Variants in ANKRD11 observed in about 807,000 individuals in gnomAD.
ANKRD11 encodes the protein ankyrin repeat domain-containing protein 11.
A neutral mutation model predicts 195.7 loss-of-function variants in ANKRD11; 17 were observed. That is an observed-to-expected ratio of 0.09 (90% CI 0.06 to 0.13). ANKRD11 has a LOEUF of 0.13. Ranked by LOEUF, ANKRD11 falls within the 10% of genes least tolerant of loss-of-function variation. The probability of loss-of-function intolerance (pLI) is 1.00; values close to 1 mark genes in which losing one functional copy is unlikely to be tolerated. For synonymous variants in ANKRD11, 1,953 were observed against 1,528.1 expected, an observed-to-expected ratio of 1.28 and a Z score of -6.49; for missense variants, 3,735 against 3,566.1, an observed-to-expected ratio of 1.05 and a Z score of -1.21.
At chr16:89,409,115 G>A (rs1283057718) in intron 2 of ANKRD11, among the ~76,000 whole-genome samples, 2 of 152,178 alleles carry the variant, frequency 1.3e-5, no homozygotes, top group Admixed American at 1.3e-4. Context: ...GTGAGCCCTG[G>A]GGCCAGGTAT....
intron 2 of ANKRD11, among the ~76,000 whole-genome samples, chr16:89,368,371 GTTTTTTTTTTTTTTTTTTTTT>G (rs71134210): frequency 1.8e-5 from 1 of 56,612 alleles, no homozygotes; most frequent in Non-Finnish European, 3.7e-5. Flanking sequence ...TAATTTTTGT[GTTTTTTTTTTTTTTTTTTTTT>G]TTTTTTTTTT....
intron 2 of ANKRD11, among the ~76,000 whole-genome samples, chr16:89,375,105 C>T (rs1436905329): frequency 6.6e-6 from 1 of 152,000 alleles, no homozygotes; most frequent in Non-Finnish European, 1.5e-5. Flanking sequence ...GTCGCAGGCT[C>T]AAGCAGAAGT....
At chr16:89,401,879 G>A (rs1013143895) in intron 2 of ANKRD11, among the ~76,000 whole-genome samples, 36 of 150,650 alleles carry the variant, frequency 2.4e-4, no homozygotes, top group Non-Finnish European at 4.7e-4. Flanking sequence ...CCCAGAACCC[G>A]CCGGGCACAC....
intron 5 of ANKRD11, 89 bp from the exon 6 acceptor site, chr16:89,290,917 T>A: frequency 6.2e-7 from 1 of 1,608,818 alleles, no homozygotes; most frequent in Non-Finnish European, 8.5e-7. Context: ...CATCACGAGG[T>A]CCCTTTGCAC....
intron 2 of ANKRD11, among the ~76,000 whole-genome samples, chr16:89,318,738 C>T (rs943155001): frequency 3.9e-5 from 6 of 152,198 alleles, no homozygotes; most frequent in Non-Finnish European, 8.8e-5. Flanking sequence ...TAAAATCCCA[C>T]CAACTGCTGT....
intron 2 of ANKRD11, among the ~76,000 whole-genome samples, chr16:89,317,300 A>C (rs1200460735): frequency 6.6e-6 from 1 of 152,186 alleles, no homozygotes; most frequent in African/African-American, 2.4e-5. Context: ...AGGAGAACAG[A>C]GAAGGGTCAA....
At chr16:89,419,022 T>A (rs573075340) in intron 1 of ANKRD11, among the ~76,000 whole-genome samples, 198 of 152,260 alleles carry the variant, frequency 1.3e-3, no homozygotes, top group African/African-American at 4.7e-3. Context: ...ATGCCCAGCC[T>A]TAAAAGGCTA....
intron 2 of ANKRD11, among the ~76,000 whole-genome samples, chr16:89,343,227 G>C (rs1046979709): frequency 6.6e-6 from 1 of 152,074 alleles, no homozygotes; most frequent in Non-Finnish European, 1.5e-5. Flanking sequence ...CTGACCTCAA[G>C]AGTGATCCAC....
intron 2 of ANKRD11, among the ~76,000 whole-genome samples, chr16:89,339,450 C>G (rs1038369840): frequency 6.6e-6 from 1 of 151,802 alleles, no homozygotes; most frequent in Non-Finnish European, 1.5e-5. Flanking sequence ...GCCCCATGGT[C>G]CGAGGAGCCC....
At chr16:89,453,592 C>T (rs1161688242) in intron 1 of ANKRD11, among the ~76,000 whole-genome samples, 1 of 152,078 alleles carries the variant, frequency 6.6e-6, no homozygotes, top group East Asian at 1.9e-4. Flanking sequence ...AAAAGTGTGG[C>T]TAACAGAAAG....
intron 2 of ANKRD11, among the ~76,000 whole-genome samples, chr16:89,353,900 A>G (rs1176131257): frequency 6.6e-6 from 1 of 152,228 alleles, no homozygotes. Flanking sequence ...CCTCTCATGC[A>G]GGGAGCGTGG....
In ANKRD11 at chr16:89,285,029, A is replaced by ACCC. The variant is rs1313518948; in HGVS notation, c.1510_1512dup (p.Gly504dup). On this transcript the variant is annotated inframe_insertion, in exon 9 of 13. Transcript: ENST00000301030. This position sits in a 1 kb window ranked among gnomAD's most constrained non-coding sequence, Gnocchi z 5.6. The stretch of plus-strand genomic sequence containing the variant: ...GAGGGGTCCTTCAGCACCAGCGGGG[A>ACCC]CCCCTTGAGGCAGCCAGAGCTCCCC... 1 of 1,613,514 alleles carries ACCC rather than the reference A, an allele frequency of 6.2e-7. No individual in the cohort carries two copies. Among genetic ancestry groups the ACCC allele is most frequent in the Non-Finnish European group, 8.5e-7 (1 of 1,179,900 alleles).
At chr16:89,342,889 G>T (rs535299670) in intron 2 of ANKRD11, among the ~76,000 whole-genome samples, 1 of 152,200 alleles carries the variant, frequency 6.6e-6, no homozygotes, top group Admixed American at 6.5e-5. Flanking sequence ...GGAAAGGGAC[G>T]GAGGTGAATG....
chr16:89,448,647 C>G (rs931769256), intron 1 of ANKRD11, among the ~76,000 whole-genome samples: 11 of 152,298 alleles, frequency 7.2e-5, no homozygotes, highest in Middle Eastern at 3.4e-3. Context: ...TAATTAAAAG[C>G]AGGCATTTAA....
chr16:89,324,547 G>A (rs969442373), intron 2 of ANKRD11: 3 of 455,854 alleles, frequency 6.6e-6, no homozygotes, highest in South Asian at 3.1e-5. Flanking sequence ...GTCAGTGGAC[G>A]GGGAGAGGCC....
At chr16:89,425,528 A>G (rs2042681389) in intron 1 of ANKRD11, among the ~76,000 whole-genome samples, 1 of 152,184 alleles carries the variant, frequency 6.6e-6, no homozygotes, top group Admixed American at 6.5e-5. Flanking sequence ...GGAGCCCCAC[A>G]ATCCCAAGGC....
At chr16:89,313,135 G>A (rs2036707672) in intron 3 of ANKRD11, among the ~76,000 whole-genome samples, 1 of 152,232 alleles carries the variant, frequency 6.6e-6, no homozygotes, top group African/African-American at 2.4e-5. Flanking sequence ...AGCAGCTCAG[G>A]TGACTGCTCG....
chr16:89,452,352 G>C (rs1169540271), intron 1 of ANKRD11, among the ~76,000 whole-genome samples: 1 of 152,140 alleles, frequency 6.6e-6, no homozygotes, highest in African/African-American at 2.4e-5. Flanking sequence ...CAAGCCAAGA[G>C]GGCAAGGTAG....
chr16:89,463,070 C>T (rs1190035527), intron 1 of ANKRD11, among the ~76,000 whole-genome samples: 1 of 148,932 alleles, frequency 6.7e-6, no homozygotes, highest in African/African-American at 2.5e-5. Flanking sequence ...CCCCCCCGCC[C>T]GGCCAGCCGC....
Sources: allele counts gnomAD v4.1 joint callset (sites outside exome capture counted in the v4.1 genomes callset), GRCh38; gene constraint gnomAD v4.1.1; non-coding constraint Gnocchi (gnomAD v3.1); transcripts MANE v1.5; gene names NCBI Gene and HGNC (gene_info 2026-07-23, HGNC 2026-07-21).